PECR: variants seen among roughly 807,000 people sequenced by gnomAD.
PECR encodes the protein 2,4-dienoyl-CoA reductase-related protein.
PECR carries 30 observed loss-of-function variants against 35.3 expected under a neutral mutation model. The observed-to-expected ratio is 0.85, with a 90% CI of 0.64 to 1.15. The LOEUF is 1.15. Ranked by LOEUF, PECR falls within the 50% of genes most tolerant of loss-of-function variation. The pLI is 0.00. For synonymous variants in PECR, 148 were observed against 138.9 expected (o/e 1.07, Z -0.46); for missense variants, 392 against 370.8 (o/e 1.06, Z -0.47).
Position 216,065,313 on chromosome 2 carries a change from T to C in PECR, c.423A>G (p.Ala141=). 6.2e-7 allele frequency: 1 copy of C among 1,605,656 alleles called. No homozygotes were observed. Among genetic ancestry groups the C allele is most frequent in the Non-Finnish European group, 8.5e-7 (1 of 1,172,240 alleles). The change falls in exon 3 of 8, where the codon GCA becomes GCG. Residue 141 remains alanine (A), a splice_region_variant and synonymous_variant. Coordinates refer to ENST00000265322, the MANE Select transcript of PECR (RefSeq NM_018441.6). ...NLTGTFYMCK[A]VYSSWMKEHG... is the part of the protein sequence containing the mutation. ...CTTGTGGATACTGATGGTACTTGCC[T>C]GCTTTGCACATGTAGAAGGTACCCG...
chr2:216,047,199 G>A (rs1695012674), intron 6 of PECR, among the ~76,000 whole-genome samples: 2 of 151,806 alleles, frequency 1.3e-5, no homozygotes, highest in Admixed American at 1.3e-4. Context: ...TAGAGGTTGT[G>A]GTGAGCCGAG....
At chr2:216,047,925 TTTTG>T (rs1222946470) in intron 6 of PECR, among the ~76,000 whole-genome samples, 7 of 151,934 alleles carry the variant, frequency 4.6e-5, no homozygotes, top group Admixed American at 6.6e-5. Context: ...TTTTGTTTTG[TTTTG>T]TTTTTTTCAT....
chr2:216,067,079 G>T (rs1469534980), intron 1 of PECR, among the ~76,000 whole-genome samples: 1 of 151,964 alleles, frequency 6.6e-6, no homozygotes, highest in Non-Finnish European at 1.5e-5. Context: ...TTGCTGCCTG[G>T]AGAAAGGTTC....
intron 1 of PECR, among the ~76,000 whole-genome samples, chr2:216,076,353 A>G (rs925654930): frequency 6.6e-6 from 1 of 152,134 alleles, no homozygotes; most frequent in African/African-American, 2.4e-5. Flanking sequence ...CCATGCCACC[A>G]CATGTGCCAC....
chr2:216,070,786 G>A lies in PECR; in HGVS notation c.125-4268C>T, dbSNP rs376868256. On this transcript the variant is annotated intron_variant, in intron 1 of 7. Transcript: ENST00000265322. ...TGGTCAGCTGCTTAACTGATCACAG[G>A]TTCACATTATTGCTAACAGGCTTCA... 2.6e-5 allele frequency among the ~76,000 whole-genome samples: 4 copies of A among 152,234 alleles called. No individual in the cohort carries two copies. The East Asian group carries it at 7.7e-4, about 29-fold the overall frequency.
chr2:216,049,439 T>A, intron 5 of PECR, 66 bp from the exon 6 acceptor site: 1 of 724,454 alleles, frequency 1.4e-6, no homozygotes, highest in East Asian at 2.7e-5. Flanking sequence ...TATAAAGATA[T>A]CAAGATACTC....
At chr2:216,071,652 T>C (rs1188151423) in intron 1 of PECR, among the ~76,000 whole-genome samples, 1 of 152,202 alleles carries the variant, frequency 6.6e-6, no homozygotes, top group South Asian at 2.1e-4. Context: ...CCAAAGTTCT[T>C]GTGACATTAC....
At chr2:216,054,182 G>T (rs1695178548) in intron 4 of PECR, among the ~76,000 whole-genome samples, 1 of 151,594 alleles carries the variant, frequency 6.6e-6, no homozygotes, top group Admixed American at 6.6e-5. Context: ...AGCTACTCAG[G>T]AGGCTGAGAC....
At chr2:216,031,489 GAA>G (rs1253057052) in intron 7 of PECR, among the ~76,000 whole-genome samples, 1 of 123,152 alleles carries the variant, frequency 8.1e-6, no homozygotes, top group Non-Finnish European at 1.6e-5. Context: ...AAGAAAGAAA[GAA>G]AGAGAAAGAA....
intron 6 of PECR, among the ~76,000 whole-genome samples, chr2:216,046,373 C>T (rs1694997543): frequency 7.1e-6 from 1 of 141,462 alleles, no homozygotes; most frequent in Admixed American, 7.4e-5. Context: ...TGCAGTGGCG[C>T]AATCTCTGCT....
chr2:216,066,338 T>C (rs775775719), intron 2 of PECR, 47 bp downstream of exon 2: 4 of 1,552,328 alleles, frequency 2.6e-6, no homozygotes, highest in Non-Finnish European at 3.6e-6. Flanking sequence ...GAAACACTAC[T>C]GCAAATTACA....
chr2:216,037,927 A>C (rs1012224920), downstream of PECR, among the ~76,000 whole-genome samples: 1 of 150,320 alleles, frequency 6.7e-6, no homozygotes, highest in Non-Finnish European at 1.5e-5. Context: ...TCTACTAAAA[A>C]TACAAAAATT....
Position 216,066,441 on chromosome 2 carries a change from G to T in PECR, c.202C>A (p.Pro68Thr). ...AADELQANLP[P>T]TKQARVIPIQ... ...GGAATGACTCGTGCCTGCTTTGTGG[G>T]AGGTAGGTTGGCCTGCAGTTCATCT... Residue 68 changes from proline (P) to threonine (T), a missense_variant, in exon 2 of 8, where the codon CCC becomes ACC. Coordinates refer to ENST00000265322, the MANE Select transcript of PECR (RefSeq NM_018441.6). 6.2e-7 allele frequency: 1 copy of T among 1,613,688 alleles called. No individual in the cohort carries two copies. The highest frequency in any genetic ancestry group is 8.5e-7 in the Non-Finnish European group (1 of 1,179,598).
In PECR at chr2:216,066,530, C is replaced by T. The variant is rs1313100879; in HGVS notation, c.125-12G>A. On this transcript the variant is annotated splice_polypyrimidine_tract_variant and intron_variant, in intron 1 of 7. Coordinates refer to ENST00000265322, the MANE Select transcript of PECR (RefSeq NM_018441.6). ...GACCACATTACTCCCTGAGGAGAAA[C>T]AGCCAGAGAACAAATAAATATGCCT... is the stretch of plus-strand genomic sequence containing the variant. 1 of 1,613,308 alleles carries T rather than the reference C, an allele frequency of 6.2e-7. No individual in the cohort carries two copies. The highest frequency in any genetic ancestry group is 1.7e-5 in the Admixed American group (1 of 60,002).
At chr2:216,078,989 C>T (rs1695768102) in intron 1 of PECR, among the ~76,000 whole-genome samples, 1 of 152,138 alleles carries the variant, frequency 6.6e-6, no homozygotes, top group Non-Finnish European at 1.5e-5. Flanking sequence ...TAGGGTCCTA[C>T]GAATCTGCTG....
rs182241463 is a variant in PECR at position 216,053,103 on chromosome 2, C to T, written c.507-1558G>A. Among the ~76,000 whole-genome samples, 909 of 152,294 alleles carry T rather than the reference C, an allele frequency of 6.0e-3. 6 individuals carry two copies. Among genetic ancestry groups the T allele is most frequent in the African/African-American group, 0.021 (862 of 41,554 alleles). On this transcript the variant is annotated intron_variant, in intron 4 of 7. Transcript: ENST00000265322. Reference sequence around the variant, plus strand: ...TCCTGACCTCAGATGATCTGCCCGCCTCAGCCTCCCAAAGTGCTGGGATTA... The same window carrying T: ...TCCTGACCTCAGATGATCTGCCCGCTTCAGCCTCCCAAAGTGCTGGGATTA...
chr2:216,070,976 C>T (rs1695577191), intron 1 of PECR, among the ~76,000 whole-genome samples: 1 of 152,146 alleles, frequency 6.6e-6, no homozygotes, highest in South Asian at 2.1e-4. Flanking sequence ...TGATCACGAC[C>T]CTCACTCTTT....
intron 4 of PECR, among the ~76,000 whole-genome samples, chr2:216,054,071 G>A (rs894451802): frequency 3.3e-5 from 5 of 151,960 alleles, no homozygotes; most frequent in African/African-American, 1.2e-4. Context: ...GATCACATGA[G>A]GTCAGGAGTT....
At position 216,075,152 on chromosome 2, in the gene PECR, T is replaced by C. The variant is rs151075848; in HGVS notation, c.124+6466A>G. Among the ~76,000 whole-genome samples, 124 of 152,218 alleles carry C rather than the reference T, an allele frequency of 8.1e-4. 1 individual carries two copies. Among genetic ancestry groups the C allele is most frequent in the African/African-American group, 2.8e-3 (115 of 41,528 alleles). On this transcript the variant is annotated intron_variant, in intron 1 of 7. Transcript: ENST00000265322. Reference sequence around the variant, plus strand: ...AACATTGTGGCACATGCCTATAGTTTAGATACTTGGGAGGTTGAGGCAGGA... The same window carrying C: ...AACATTGTGGCACATGCCTATAGTTCAGATACTTGGGAGGTTGAGGCAGGA...
Sources: gnomAD v4.1 joint callset for allele counts (sites outside exome capture counted in the v4.1 genomes callset) on GRCh38, gnomAD v4.1.1 for gene constraint, MANE v1.5 for transcripts, NCBI Gene and HGNC (gene_info 2026-07-23, HGNC 2026-07-21) for gene names.